Variants in REV1 observed in about 807,000 individuals in gnomAD.
REV1 encodes the protein translesion synthesis protein REV1.
Under a neutral mutation model 137.4 loss-of-function variants are expected in REV1, and 42 were observed. The observed-to-expected ratio is 0.31, with a 90% CI of 0.24 to 0.40. The LOEUF (loss-of-function observed/expected upper bound fraction) is 0.40, where lower values mean the gene tolerates loss of function less well. REV1 is among the 10% of genes least tolerant of loss of function. The pLI, the probability that REV1 is intolerant of heterozygous loss-of-function variation, is 1.00. For missense variants in REV1, 1,282 were observed against 1,490.1 expected, an observed-to-expected ratio of 0.86 and a Z score of 2.30; for synonymous variants, 524 against 519.2, an observed-to-expected ratio of 1.01 and a Z score of -0.12.
chr2:99,447,845 C>A (rs1023754529), intron 4 of REV1, among the ~76,000 whole-genome samples: 22 of 152,062 alleles, frequency 1.4e-4, no homozygotes, highest in African/African-American at 5.3e-4. Flanking sequence ...CTCAGCCTCC[C>A]AAGTAACCGG....
intron 1 of REV1, among the ~76,000 whole-genome samples, chr2:99,483,284 T>G (rs1686813378): frequency 6.6e-6 from 1 of 152,142 alleles, no homozygotes; most frequent in African/African-American, 2.4e-5. Context: ...ATGCATTAAG[T>G]CCATTCCTAG....
At position 99,408,011 on chromosome 2, in the gene REV1, AT is replaced by A. The variant is rs755639412; in HGVS notation, c.2448+17del. 7.1e-7 allele frequency: 1 copy of A among 1,416,140 alleles called. No individual in the cohort carries two copies. The highest frequency in any genetic ancestry group is 2.4e-5 in the East Asian group (1 of 41,088). 87.7% of individuals were successfully genotyped at this position (1,416,140 alleles called of 1,614,324 possible). A position where few individuals can be genotyped will look rare whatever the true frequency, so the allele number is the denominator to read the frequency against. On this transcript the variant is annotated intron_variant, in intron 15 of 22. Transcript: ENST00000258428. ...ACATTACACAAAGTCAGAATTTACA[AT>A]GTTACTATATACTTACCCCTCTCAT...
intron 14 of REV1, 135 bp downstream of exon 14, chr2:99,410,560 T>G: frequency 1.3e-6 from 1 of 759,314 alleles, no homozygotes. Context: ...GGCTGATGCC[T>G]GCTTCTACAG....
intron 12 of REV1, among the ~76,000 whole-genome samples, chr2:99,415,635 G>A (rs1463765124): frequency 6.6e-6 from 1 of 152,238 alleles, no homozygotes; most frequent in Non-Finnish European, 1.5e-5. Context: ...GTGAGGAACT[G>A]AACTGGTAGT....
chr2:99,418,722 T>C lies in REV1; in HGVS notation c.1951+106A>G, dbSNP rs572164183. On this transcript the variant is annotated intron_variant, in intron 12 of 22. Coordinates refer to ENST00000258428, the MANE Select transcript of REV1 (RefSeq NM_016316.4). ...GGCACTCAATAAGACTTAAAAATTT[T>C]TATATTCATGTCTGGGCAAAAAGAG... 8 of 1,063,716 alleles carry C rather than the reference T, an allele frequency of 7.5e-6. No individual in the cohort carries two copies. The South Asian group carries it at 1.9e-4, about 25-fold the overall frequency. 65.9% of individuals were successfully genotyped at this position (1,063,716 alleles called of 1,614,324 possible).
chr2:99,404,306 C>T, intron 18 of REV1, 138 bp downstream of exon 18: 1 of 641,450 alleles, frequency 1.6e-6, no homozygotes, highest in Non-Finnish European at 2.7e-6. Flanking sequence ...CAAGCCCACT[C>T]TCCCCTCCCC....
intron 9 of REV1, among the ~76,000 whole-genome samples, chr2:99,425,739 A>G (rs1050384893): frequency 2.6e-5 from 4 of 152,224 alleles, no homozygotes; most frequent in African/African-American, 9.6e-5. Context: ...CACATTTTTT[A>G]AAAATGTGTT....
At chr2:99,465,852 G>A (rs1003892818) in intron 1 of REV1, among the ~76,000 whole-genome samples, 1 of 152,150 alleles carries the variant, frequency 6.6e-6, no homozygotes, top group African/African-American at 2.4e-5. Context: ...GCTCTGATAT[G>A]ATCTATGAGA....
At chr2:99,482,954 T>C (rs1575260124) in intron 1 of REV1, among the ~76,000 whole-genome samples, 1 of 150,114 alleles carries the variant, frequency 6.7e-6, no homozygotes, top group African/African-American at 2.5e-5. Context: ...GAGGAGGAGG[T>C]TGCAGTGAAC....
Position 99,401,217 on chromosome 2 carries a change from G to A in REV1, c.*24C>T, listed in dbSNP as rs781728560. 1 of 1,412,512 alleles carries A rather than the reference G, an allele frequency of 7.1e-7. No homozygotes were observed. The highest frequency in any genetic ancestry group is 1.0e-6 in the Non-Finnish European group (1 of 996,910). The allele number at this position is 1,412,512 out of a possible 1,614,324, so 87.5% of individuals were successfully genotyped here. On this transcript the variant is annotated 3_prime_UTR_variant, in exon 23 of 23. Coordinates refer to ENST00000258428, the MANE Select transcript of REV1 (RefSeq NM_016316.4). ...AAGCACTTATGGCACAGCTATCAGAGAGCATCAGGCTCTCTGGTAATATTT... is the reference window on the plus strand; with the variant it reads ...AAGCACTTATGGCACAGCTATCAGAAAGCATCAGGCTCTCTGGTAATATTT...
At chr2:99,452,694 G>A (rs1683065989) in intron 3 of REV1, among the ~76,000 whole-genome samples, 1 of 152,192 alleles carries the variant, frequency 6.6e-6, no homozygotes, top group Non-Finnish European at 1.5e-5. Context: ...CATAAAGCAG[G>A]TGCTCAGTGA....
intron 3 of REV1, among the ~76,000 whole-genome samples, chr2:99,453,108 C>T (rs752738066): frequency 7.2e-5 from 11 of 152,194 alleles, no homozygotes; most frequent in Non-Finnish European, 1.0e-4. Flanking sequence ...CACCTGTAAT[C>T]CCAGCACTCT....
intron 11 of REV1, among the ~76,000 whole-genome samples, chr2:99,420,599 G>A (rs28382930): frequency 1.3e-5 from 2 of 152,090 alleles, no homozygotes; most frequent in Non-Finnish European, 2.9e-5. Context: ...TGTGTAGCAC[G>A]GTGTGCCCCT....
At chr2:99,440,224 A>T (rs1363806722) in intron 5 of REV1, among the ~76,000 whole-genome samples, 1 of 152,232 alleles carries the variant, frequency 6.6e-6, no homozygotes, top group Non-Finnish European at 1.5e-5. Flanking sequence ...CATTCACGAG[A>T]ATCATCTAAG....
chr2:99,441,170 T>C (rs1016069875), intron 5 of REV1, among the ~76,000 whole-genome samples: 3 of 152,180 alleles, frequency 2.0e-5, no homozygotes, highest in African/African-American at 7.2e-5. Context: ...TATACCTTGA[T>C]AGCACATTAA....
chr2:99,401,820 G>C (rs1412636594), intron 22 of REV1, among the ~76,000 whole-genome samples: 1 of 152,170 alleles, frequency 6.6e-6, no homozygotes, highest in African/African-American at 2.4e-5. Context: ...TCAGGCTGGA[G>C]CCATGCAGTG....
upstream of REV1, chr2:99,490,158 G>T (rs1454102991): frequency 2.8e-5 from 4 of 145,198 alleles, no homozygotes; most frequent in Non-Finnish European, 1.5e-5. Flanking sequence ...CCCCAGCCTC[G>T]GGCGTAGCAC....
At chr2:99,434,782 T>C (rs188424900) in intron 7 of REV1, among the ~76,000 whole-genome samples, 21 of 152,260 alleles carry the variant, frequency 1.4e-4, no homozygotes, top group Admixed American at 1.3e-3. Context: ...CAGACTTAAG[T>C]AGTGGGGAAA....
chr2:99,407,333 C>T (rs1416644633), intron 15 of REV1, among the ~76,000 whole-genome samples: 2 of 151,374 alleles, frequency 1.3e-5, no homozygotes, highest in Admixed American at 1.3e-4. Context: ...GGTGGATCAC[C>T]TGAGGTCAGG....
Sources: allele counts gnomAD v4.1 joint callset (sites outside exome capture counted in the v4.1 genomes callset), GRCh38; gene constraint gnomAD v4.1.1; transcripts MANE v1.5; gene names NCBI Gene and HGNC (gene_info 2026-07-23, HGNC 2026-07-21).